GLB1: variants seen among roughly 807,000 people sequenced by gnomAD.
GLB1 encodes the protein beta-galactosidase.
In GLB1, 56 loss-of-function variants were observed where a neutral mutation model predicts 74.0. The observed-to-expected ratio is 0.76, with a 90% CI of 0.61 to 0.94. The LOEUF (loss-of-function observed/expected upper bound fraction) is 0.94, where lower values mean the gene tolerates loss of function less well. Among genes scored for constraint, GLB1 ranks in the 40% least tolerant of loss-of-function variants. The probability of loss-of-function intolerance (pLI) is 0.00; values close to 1 mark genes in which losing one functional copy is unlikely to be tolerated. For missense variants in GLB1, 787 were observed against 845.5 expected (o/e 0.93, Z 0.86); for synonymous variants, 323 against 323.6 (o/e 1.00, Z 0.02).
At chr3:33,048,044 C>T (rs1180410246) in intron 9 of GLB1, among the ~76,000 whole-genome samples, 1 of 152,082 alleles carries the variant, frequency 6.6e-6, no homozygotes. Flanking sequence ...CCATGCTGTG[C>T]TGTGTTTCTT....
chr3:33,051,948 T>G lies in GLB1; in HGVS notation c.849A>C (p.Thr283=), dbSNP rs1238694687. The stretch of plus-strand genomic sequence containing the variant: ...AGGAAGCCACTGCTTCGGTCTTGAT[T>G]GTGGAGTGAGGTTGGCCCCAGTGAT... The part of the protein sequence containing the change: ...WLDHWGQPHS[T]IKTEAVASSL... The change falls in exon 8 of 16, where the codon ACA becomes ACC. Residue 283 remains threonine, a synonymous_variant. Coordinates refer to ENST00000307363, the MANE Select transcript of GLB1 (RefSeq NM_000404.4). 66 of 1,614,054 alleles carry G rather than the reference T, an allele frequency of 4.1e-5. No individual in the cohort carries two copies. The highest frequency in any genetic ancestry group is 5.5e-5 in the Non-Finnish European group (65 of 1,180,038).
At chr3:33,038,203 AG>A (rs1321163880) in intron 10 of GLB1, among the ~76,000 whole-genome samples, 1 of 152,190 alleles carries the variant, frequency 6.6e-6, no homozygotes, top group African/African-American at 2.4e-5. Context: ...CCTCCAACAC[AG>A]GACCATGGTA....
intron 15 of GLB1, among the ~76,000 whole-genome samples, 198 bp from the exon 16 acceptor site, chr3:32,997,542 G>T (rs1376678646): frequency 3.3e-5 from 5 of 152,122 alleles, no homozygotes; most frequent in Admixed American, 6.5e-5. Flanking sequence ...GAAGAAGGTG[G>T]ATGCCCCCAT....
At chr3:32,989,078 C>T in the GLB1 span, among the ~76,000 whole-genome samples, 1 of 152,172 alleles carries the variant, frequency 6.6e-6, no homozygotes, top group Non-Finnish European at 1.5e-5. Flanking sequence ...GAGTATTTTA[C>T]CATATTTGTC....
chr3:32,961,810 C>A, the GLB1 span, among the ~76,000 whole-genome samples: 1 of 152,170 alleles, frequency 6.6e-6, no homozygotes, highest in Non-Finnish European at 1.5e-5. Flanking sequence ...CAGAGGCATT[C>A]CAGCTAGCTA....
At chr3:32,962,107 T>C in the GLB1 span, among the ~76,000 whole-genome samples, 1 of 151,478 alleles carries the variant, frequency 6.6e-6, no homozygotes, top group Non-Finnish European at 1.5e-5. Flanking sequence ...GGTAGGAGAA[T>C]CGATTAAACC....
intron 1 of GLB1, among the ~76,000 whole-genome samples, chr3:33,074,893 C>A (rs1197003762): frequency 1.3e-5 from 2 of 152,198 alleles, no homozygotes; most frequent in African/African-American, 4.8e-5. Flanking sequence ...TGAAATCCAA[C>A]TGGCGAGCGG....
At position 33,051,914 on chromosome 3, in the gene GLB1, CAT is replaced by C. The variant is rs767704163; in HGVS notation, c.881_882del (p.Tyr294Ter). On this transcript the variant is annotated frameshift_variant, in exon 8 of 16. Coordinates refer to ENST00000307363, the MANE Select transcript of GLB1 (RefSeq NM_000404.4). LOFTEE classifies it high-confidence loss of function. ...ACACTCGCCCCACGGGCAAGTATAT[CAT>C]AGAGGGAGGAAGCCACTGCTTCGGT... Reference protein sequence around the residue: ...IKTEAVASSLYDILARGASVN... With the variant: ...IKTEAVASSLXDILARGASVN... 12 of 1,614,220 alleles carry C rather than the reference CAT, an allele frequency of 7.4e-6. No homozygotes were observed. In the South Asian group the frequency reaches 9.9e-5, roughly 13 times the overall value.
At chr3:33,015,760 A>G (rs1023337864) in intron 14 of GLB1, among the ~76,000 whole-genome samples, 14 of 152,310 alleles carry the variant, frequency 9.2e-5, no homozygotes, top group African/African-American at 2.9e-4. Context: ...GCACACAGCT[A>G]TTCCCTAAGT....
At chr3:33,028,366 A>G (rs984743912) in intron 10 of GLB1, among the ~76,000 whole-genome samples, 2 of 152,064 alleles carry the variant, frequency 1.3e-5, no homozygotes, top group African/African-American at 2.4e-5. Flanking sequence ...TTATATCACC[A>G]TTTTCAGCTT....
Position 33,093,630 on chromosome 3 carries a change from G to A in GLB1, c.75+3381C>T, listed in dbSNP as rs951760832. 12 of 1,614,082 alleles carry A rather than the reference G, an allele frequency of 7.4e-6. No homozygotes were observed. The highest frequency in any genetic ancestry group is 1.0e-5 in the Non-Finnish European group (12 of 1,180,052). On this transcript the variant is annotated intron_variant, in intron 1 of 15. Transcript: ENST00000307363. The surrounding 1 kb of genome is among the most constrained non-coding windows in gnomAD (Gnocchi z 6.0). Reference sequence around the variant, plus strand: ...GATGGGCACCTCCACAGTTTTCACAGCCGGGGGCTGCGCGGCATTCAGAAT... The same window carrying A: ...GATGGGCACCTCCACAGTTTTCACAACCGGGGGCTGCGCGGCATTCAGAAT...
intron 10 of GLB1, 97 bp downstream of exon 10, chr3:33,046,023 G>A: frequency 6.9e-7 from 1 of 1,443,506 alleles, no homozygotes; most frequent in Non-Finnish European, 9.5e-7. Context: ...CTTTTAAACA[G>A]GAGGGCTCCA....
chr3:33,074,050 A>G (rs991782148), intron 1 of GLB1, among the ~76,000 whole-genome samples: 18 of 149,982 alleles, frequency 1.2e-4, no homozygotes, highest in Non-Finnish European at 4.4e-5. Context: ...GGCAAGAAAG[A>G]AAATAGAGGC....
Position 33,089,367 on chromosome 3 carries a change from T to C in GLB1, c.75+7644A>G, listed in dbSNP as rs1168016511. On this transcript the variant is annotated intron_variant, in intron 1 of 15. Transcript: ENST00000307363. ...CTGAAGAAAATATCTGCAAATTACG[T>C]ATCTGATAAGGGGTTAATGTCCAGA... 2.0e-5 allele frequency among the ~76,000 whole-genome samples: 3 copies of C among 152,176 alleles called. No homozygotes were observed. The East Asian group carries it at 5.8e-4, about 29-fold the overall frequency.
At position 33,051,615 on chromosome 3, in the gene GLB1, A is replaced by AAAAAAAAAG. The variant is rs764769471; in HGVS notation, c.955+142_955+143insCTTTTTTTT. 7.2e-3 allele frequency: 8,460 copies of AAAAAAAAAG among 1,171,146 alleles called. 136 individuals are homozygous for AAAAAAAAAG. The highest frequency in any genetic ancestry group is 0.052 in the African/African-American group (2,990 of 57,936). 72.5% of individuals were successfully genotyped at this position (1,171,146 alleles called of 1,614,324 possible). On this transcript the variant is annotated intron_variant, in intron 9 of 15. Transcript: ENST00000307363. ...GTGAGACTGTCTACAAAAAAAAAAA[A>AAAAAAAAAG]AAAAGAAAAAGAAAAAAAAAGAAAA...
At chr3:33,002,349 C>G (rs141218194) in intron 15 of GLB1, among the ~76,000 whole-genome samples, 40 of 123,062 alleles carry the variant, frequency 3.3e-4, no homozygotes, top group African/African-American at 3.8e-4. Flanking sequence ...CCCTCCCTCC[C>G]TTCCTTCCTT....
chr3:32,984,734 T>C, the GLB1 span, among the ~76,000 whole-genome samples: 1 of 151,770 alleles, frequency 6.6e-6, no homozygotes, highest in Admixed American at 6.6e-5. Context: ...CCATCCTGGC[T>C]AACACAGTGA....
chr3:32,965,573 A>G, the GLB1 span, among the ~76,000 whole-genome samples: 1 of 152,186 alleles, frequency 6.6e-6, no homozygotes, highest in Non-Finnish European at 1.5e-5. Context: ...GATTTAATAG[A>G]AAAGAAAAAA....
the GLB1 span, among the ~76,000 whole-genome samples, chr3:32,971,595 C>G: frequency 6.6e-6 from 1 of 152,320 alleles, no homozygotes; most frequent in East Asian, 1.9e-4. Flanking sequence ...AAGCCTCAGC[C>G]AGCGTTTGGT....
Sources: allele counts gnomAD v4.1 joint callset (sites outside exome capture counted in the v4.1 genomes callset), GRCh38; gene constraint gnomAD v4.1.1; non-coding constraint Gnocchi (gnomAD v3.1); transcripts MANE v1.5; gene names NCBI Gene and HGNC (gene_info 2026-07-23, HGNC 2026-07-21).